The following SLC4A8 variants were observed in gnomAD, a reference collection of about 807,000 sequenced individuals.
SLC4A8 encodes solute carrier family 4 member 8.
SLC4A8 carries 40 observed loss-of-function variants against 125.0 expected under a neutral mutation model. The ratio of observed to expected loss-of-function variants is 0.32; its 90% CI spans 0.25 to 0.42. The LOEUF is 0.42. Ranked by LOEUF, SLC4A8 falls within the 10% of genes least tolerant of loss-of-function variation. The probability of loss-of-function intolerance (pLI) is 1.00; values close to 1 mark genes in which losing one functional copy is unlikely to be tolerated. For synonymous variants in SLC4A8, 456 were observed against 476.0 expected (o/e 0.96, Z 0.55); for missense variants, 863 against 1,355.1 (o/e 0.64, Z 5.70).
upstream of SLC4A8, chr12:51,424,743 C>T (rs370910053): frequency 4.2e-6 from 2 of 474,034 alleles, no homozygotes; most frequent in African/African-American, 2.1e-5. Flanking sequence ...CCGCGGTAGC[C>T]CAGGGTACCG....
At chr12:51,495,220 T>C in intron 21 of SLC4A8, 102 bp downstream of exon 21, 1 of 945,784 alleles carries the variant, frequency 1.1e-6, no homozygotes, top group East Asian at 2.7e-5. Context: ...TACAGTTGAG[T>C]GGCATTAAGT....
At chr12:51,395,389 G>C (rs1948239094) in intron 1 of SLC4A8, among the ~76,000 whole-genome samples, 1 of 151,978 alleles carries the variant, frequency 6.6e-6, no homozygotes, top group African/African-American at 2.4e-5. Context: ...TTTAGATTCG[G>C]GTTTTGGGTG....
At chr12:51,475,554 A>G (rs1233445978) in intron 16 of SLC4A8, among the ~76,000 whole-genome samples, 1 of 152,232 alleles carries the variant, frequency 6.6e-6, no homozygotes, top group African/African-American at 2.4e-5. Context: ...TGGCTCCTGA[A>G]TACAGTAAAT....
chr12:51,417,625 C>G (rs1948710966), intron 1 of SLC4A8, among the ~76,000 whole-genome samples: 1 of 152,076 alleles, frequency 6.6e-6, no homozygotes, highest in Admixed American at 6.5e-5. Flanking sequence ...TCAAGCGATT[C>G]TCCTGCCTCA....
intron 2 of SLC4A8, among the ~76,000 whole-genome samples, chr12:51,442,360 G>A (rs1157491322): frequency 3.9e-5 from 6 of 152,164 alleles, no homozygotes; most frequent in African/African-American, 1.4e-4. Context: ...CAGTTTAGTT[G>A]TTCTATAGCA....
chr12:51,433,880 G>GTTTTTTTTTTTTTT (rs1565772475), intron 1 of SLC4A8, among the ~76,000 whole-genome samples: 22 of 71,726 alleles, frequency 3.1e-4, no homozygotes, highest in Admixed American at 4.1e-4. Context: ...TTTTTTTTTG[G>GTTTTTTTTTTTTTT]TTGGTTTTTT....
chr12:51,406,135 G>T (rs1163097373), intron 1 of SLC4A8, among the ~76,000 whole-genome samples: 3 of 152,216 alleles, frequency 2.0e-5, no homozygotes, highest in Non-Finnish European at 4.4e-5. Context: ...GGTAGCAGCA[G>T]CTGTAGTTGC....
chr12:51,460,895 T>C, intron 8 of SLC4A8, among the ~76,000 whole-genome samples: 1 of 152,312 alleles, frequency 6.6e-6, no homozygotes, highest in Admixed American at 6.5e-5. Context: ...CAACCTTGAA[T>C]TTGCACCACA....
chr12:51,481,408 G>A (rs1951022246), intron 16 of SLC4A8, among the ~76,000 whole-genome samples: 1 of 152,108 alleles, frequency 6.6e-6, no homozygotes, highest in South Asian at 2.1e-4. Flanking sequence ...AGCTAAATCT[G>A]TAACGTTTAT....
chr12:51,394,028 G>A (rs1037621205), intron 1 of SLC4A8, among the ~76,000 whole-genome samples: 10 of 152,190 alleles, frequency 6.6e-5, no homozygotes, highest in East Asian at 3.9e-4. Flanking sequence ...CGGACCTACC[G>A]TCTTTGCTCT....
At chr12:51,414,988 G>T (rs1422006938) in intron 1 of SLC4A8, among the ~76,000 whole-genome samples, 2 of 152,130 alleles carry the variant, frequency 1.3e-5, no homozygotes, top group East Asian at 1.9e-4. Flanking sequence ...AGCCATTCTT[G>T]CATCCCTGCG....
At chr12:51,504,526 T>G (rs1038622060) in intron 23 of SLC4A8, among the ~76,000 whole-genome samples, 1 of 152,230 alleles carries the variant, frequency 6.6e-6, no homozygotes, top group African/African-American at 2.4e-5. Context: ...AATAGAAAGA[T>G]TAGGATTCAA....
At chr12:51,399,741 T>C (rs1238382739) in intron 1 of SLC4A8, among the ~76,000 whole-genome samples, 1 of 152,178 alleles carries the variant, frequency 6.6e-6, no homozygotes, top group Non-Finnish European at 1.5e-5. Context: ...CCCAGCTCTT[T>C]GGAAGGCTGA....
intron 22 of SLC4A8, among the ~76,000 whole-genome samples, chr12:51,503,192 T>C (rs1475459133): frequency 6.6e-6 from 1 of 151,478 alleles, no homozygotes; most frequent in Non-Finnish European, 1.5e-5. Context: ...AGAGATCTTT[T>C]ACCTTATGGA....
chr12:51,500,773 G>A (rs79809873), intron 22 of SLC4A8, among the ~76,000 whole-genome samples: 2 of 151,014 alleles, frequency 1.3e-5, no homozygotes, highest in Non-Finnish European at 1.5e-5. Context: ...TGCAAGCTCC[G>A]CCTCCCGGGT....
At chr12:51,392,571 CAAAAAAA>C (rs35992841) in intron 1 of SLC4A8, among the ~76,000 whole-genome samples, 2 of 119,216 alleles carry the variant, frequency 1.7e-5, no homozygotes, top group African/African-American at 6.6e-5. Flanking sequence ...GATTCCGTAT[CAAAAAAA>C]AAAAAAAAGA....
intron 11 of SLC4A8, chr12:51,467,206 T>C: frequency 6.6e-6 from 1 of 152,180 alleles, no homozygotes; most frequent in South Asian, 2.1e-4. Context: ...GACACTTTAT[T>C]ACTAACTGAA....
At chr12:51,505,740 A>G in intron 23 of SLC4A8, 95 bp from the exon 24 acceptor site, 1 of 530,942 alleles carries the variant, frequency 1.9e-6, no homozygotes, top group Admixed American at 3.3e-5. Context: ...CTCAAACCCC[A>G]TCTTCTCCCT....
intron 1 of SLC4A8, among the ~76,000 whole-genome samples, chr12:51,406,831 A>G (rs1417186790): frequency 6.6e-6 from 1 of 152,202 alleles, no homozygotes; most frequent in Non-Finnish European, 1.5e-5. Flanking sequence ...GGCAGGGCTC[A>G]TTGCAGCAGG....
Sources: allele counts gnomAD v4.1 joint callset (sites outside exome capture counted in the v4.1 genomes callset), GRCh38; gene constraint gnomAD v4.1.1; transcripts MANE v1.5; gene names NCBI Gene and HGNC (gene_info 2026-07-23, HGNC 2026-07-21).